Variants in DCDC2 observed in about 807,000 individuals in gnomAD.
The protein encoded by DCDC2 is doublecortin domain containing 2.
In DCDC2, 40 loss-of-function variants were observed where a neutral mutation model predicts 50.2. That is an observed-to-expected ratio of 0.80 (90% CI 0.62 to 1.04). DCDC2 has a LOEUF of 1.04. DCDC2 is among the 50% of genes least tolerant of loss of function. DCDC2 has a pLI of 0.00. For missense variants in DCDC2, 570 were observed against 581.9 expected (o/e 0.98, Z 0.21); for synonymous variants, 234 against 210.6 (o/e 1.11, Z -0.96).
At chr6:24,363,838 T>C in the DCDC2 span, among the ~76,000 whole-genome samples, 1 of 152,192 alleles carries the variant, frequency 6.6e-6, no homozygotes, top group Non-Finnish European at 1.5e-5. Context: ...AGAACAGTCA[T>C]CCTGAAAGGT....
chr6:24,209,200 T>C (rs953664322), intron 7 of DCDC2, among the ~76,000 whole-genome samples: 1 of 152,214 alleles, frequency 6.6e-6, no homozygotes, highest in African/African-American at 2.4e-5. Flanking sequence ...CTTGCAAGTA[T>C]AGATTCCATG....
chr6:24,225,575 A>C (rs1762216014), intron 7 of DCDC2, among the ~76,000 whole-genome samples: 1 of 152,170 alleles, frequency 6.6e-6, no homozygotes, highest in Non-Finnish European at 1.5e-5. Flanking sequence ...CTTCCTAAGC[A>C]GTCCTCAACA....
At chr6:24,277,018 T>G (rs1461709152) in intron 7 of DCDC2, among the ~76,000 whole-genome samples, 6 of 152,218 alleles carry the variant, frequency 3.9e-5, no homozygotes, top group African/African-American at 7.2e-5. Context: ...TCGCCTGTTC[T>G]TTTAACCTAG....
upstream of DCDC2, among the ~76,000 whole-genome samples, chr6:24,359,101 TTATATATTATATATTA>T (rs1249980530): frequency 4.1e-3 from 232 of 56,138 alleles, 7 homozygotes; most frequent in African/African-American, 0.018. Context: ...ATTATATATT[TTATATATTATATATTA>T]TATATATTAT....
chr6:24,327,483 T>TTGATTGATTG (rs1554119344), intron 2 of DCDC2, among the ~76,000 whole-genome samples: 37 of 144,136 alleles, frequency 2.6e-4, no homozygotes, highest in African/African-American at 9.8e-4. Flanking sequence ...TTTATTTATT[T>TTGATTGATTG]ATTGGCTGAT....
chr6:24,292,340 ACG>A (rs1185578782), intron 4 of DCDC2, among the ~76,000 whole-genome samples: 1 of 135,218 alleles, frequency 7.4e-6, no homozygotes, highest in Non-Finnish European at 1.5e-5. Flanking sequence ...TCATTTACAG[ACG>A]CAAAAAAAAA....
intron 7 of DCDC2, among the ~76,000 whole-genome samples, chr6:24,246,815 A>G (rs1347676727): frequency 6.6e-6 from 1 of 151,872 alleles, no homozygotes; most frequent in African/African-American, 2.4e-5. Flanking sequence ...AACTTGGTAA[A>G]TGGGAAAGAC....
intron 9 of DCDC2, among the ~76,000 whole-genome samples, chr6:24,176,035 G>A (rs1241763069): frequency 6.6e-6 from 1 of 152,270 alleles, no homozygotes; most frequent in Non-Finnish European, 1.5e-5. Context: ...GCACGTGGCT[G>A]TAATCTCATC....
chr6:24,231,703 A>T (rs1190296023), intron 7 of DCDC2, among the ~76,000 whole-genome samples: 1 of 151,800 alleles, frequency 6.6e-6, no homozygotes, highest in African/African-American at 2.4e-5. Context: ...AGGAGACATT[A>T]AAAAAAACAG....
At chr6:24,251,179 T>A (rs1762784900) in intron 7 of DCDC2, among the ~76,000 whole-genome samples, 1 of 152,188 alleles carries the variant, frequency 6.6e-6, no homozygotes, top group Non-Finnish European at 1.5e-5. Flanking sequence ...GAGTTTAGAA[T>A]TCTCTCCTGT....
chr6:24,345,945 C>T (rs1161917317), intron 2 of DCDC2, among the ~76,000 whole-genome samples: 1 of 151,940 alleles, frequency 6.6e-6, no homozygotes, highest in Non-Finnish European at 1.5e-5. Context: ...TTTGGGAGGC[C>T]GAGCAGGTGG....
intron 2 of DCDC2, among the ~76,000 whole-genome samples, chr6:24,328,320 T>C (rs971616942): frequency 3.9e-5 from 6 of 152,238 alleles, no homozygotes; most frequent in Non-Finnish European, 8.8e-5. Flanking sequence ...ATAAGGAGTT[T>C]AGATTTCTGT....
intron 8 of DCDC2, among the ~76,000 whole-genome samples, chr6:24,181,176 G>A (rs1431314154): frequency 1.3e-5 from 2 of 152,158 alleles, no homozygotes; most frequent in South Asian, 2.1e-4. Context: ...GCAGAATGAT[G>A]GACAGAAACT....
At position 24,198,648 on chromosome 6, in the gene DCDC2, G is replaced by A. The variant is rs375554725; in HGVS notation, c.1023+6354C>T. On this transcript the variant is annotated intron_variant, in intron 8 of 9. Coordinates refer to ENST00000378454, the MANE Select transcript of DCDC2 (RefSeq NM_016356.5). ...TACCCCAGTGGTGCCTGGAATGCCA[G>A]TGAGAATGAACCGTTCACTCCCCTG... Among the ~76,000 whole-genome samples the A allele has an allele frequency of 8.7e-4, 133 of 152,076 alleles. No individual in the cohort carries two copies. In the South Asian group the frequency reaches 0.026, roughly 30 times the overall value.
At chr6:24,187,948 C>G (rs1761238831) in intron 8 of DCDC2, among the ~76,000 whole-genome samples, 1 of 152,172 alleles carries the variant, frequency 6.6e-6, no homozygotes, top group African/African-American at 2.4e-5. Flanking sequence ...TAAACTTGTC[C>G]AAAATTCTCC....
chr6:24,239,072 A>C (rs551141918), intron 7 of DCDC2, among the ~76,000 whole-genome samples: 4 of 152,232 alleles, frequency 2.6e-5, no homozygotes, highest in Non-Finnish European at 5.9e-5. Context: ...TCATTCAACA[A>C]GTGTCAAGCA....
intron 2 of DCDC2, among the ~76,000 whole-genome samples, chr6:24,329,654 GCAA>G (rs902707179): frequency 2.0e-5 from 3 of 152,128 alleles, no homozygotes; most frequent in Non-Finnish European, 4.4e-5. Context: ...TCTAAGTTTT[GCAA>G]CAAGAGGCCT....
intron 7 of DCDC2, among the ~76,000 whole-genome samples, chr6:24,265,353 A>T (rs1184127139): frequency 6.6e-6 from 1 of 152,168 alleles, no homozygotes; most frequent in Non-Finnish European, 1.5e-5. Context: ...TCATTATTGG[A>T]CATATCATCC....
At chr6:24,202,472 G>A (rs1761610233) in intron 8 of DCDC2, among the ~76,000 whole-genome samples, 1 of 152,092 alleles carries the variant, frequency 6.6e-6, no homozygotes, top group Non-Finnish European at 1.5e-5. Context: ...AGGTATTGAT[G>A]GAATATATCT....
Sources: gnomAD v4.1 joint callset for allele counts (sites outside exome capture counted in the v4.1 genomes callset) on GRCh38, gnomAD v4.1.1 for gene constraint, MANE v1.5 for transcripts, NCBI Gene and HGNC (gene_info 2026-07-23, HGNC 2026-07-21) for gene names.